Variants in SMAD9 observed in about 807,000 individuals in gnomAD.
The protein encoded by SMAD9 is MAD homolog 9.
A neutral mutation model predicts 46.1 loss-of-function variants in SMAD9; 36 were observed. That is an observed-to-expected ratio of 0.78 (90% CI 0.60 to 1.03). The LOEUF (loss-of-function observed/expected upper bound fraction) is 1.03. Among genes scored for constraint, SMAD9 ranks in the 50% least tolerant of loss-of-function variants. The pLI is 0.00. For synonymous variants in SMAD9, 245 were observed against 237.1 expected, an observed-to-expected ratio of 1.03 and a Z score of -0.31; for missense variants, 572 against 599.8, an observed-to-expected ratio of 0.95 and a Z score of 0.48.
At chr13:36,850,060 C>G (rs970893410) in intron 6 of SMAD9, 4 of 152,220 alleles carry the variant, frequency 2.6e-5, no homozygotes, top group African/African-American at 9.7e-5. Flanking sequence ...TCCATTCTCT[C>G]TTAAATCCAT....
chr13:36,878,428 T>A (rs549306805), intron 2 of SMAD9, among the ~76,000 whole-genome samples: 1 of 152,168 alleles, frequency 6.6e-6, no homozygotes, highest in Non-Finnish European at 1.5e-5. Context: ...CTAGGAGCAA[T>A]AGGCTACACC....
chr13:36,919,246 G>C (rs2138739289), intron 1 of SMAD9, among the ~76,000 whole-genome samples: 1 of 152,258 alleles, frequency 6.6e-6, no homozygotes, highest in East Asian at 1.9e-4. Context: ...GGGAAAACTT[G>C]TCAGCGATTA....
Position 36,872,764 on chromosome 13 carries a change from T to G in SMAD9, c.564A>C (p.Ala188=), listed in dbSNP as rs1593579044. 6.2e-7 allele frequency: 1 copy of G among 1,613,014 alleles called. No individual in the cohort carries two copies. The highest frequency in any genetic ancestry group is 1.1e-5 in the South Asian group (1 of 91,014). ...PDSFQQPPCS[A]LPPSPSHAFS... is the part of the protein sequence containing the mutation. The stretch of plus-strand genomic sequence containing the variant: ...ACGCGTGGCTGGGTGAGGGAGGGAG[T>G]GCAGAGCACGGAGGCTGCTGGAAAG... Residue 188 remains alanine, a synonymous_variant, in exon 3 of 7, where the codon GCA becomes GCC. Coordinates refer to ENST00000379826, the MANE Select transcript of SMAD9 (RefSeq NM_001127217.3).
chr13:36,886,777 A>G (rs531370642), intron 1 of SMAD9, among the ~76,000 whole-genome samples: 1 of 152,368 alleles, frequency 6.6e-6, no homozygotes, highest in African/African-American at 2.4e-5. Flanking sequence ...GGTGACAATG[A>G]GATCAAGAGG....
At chr13:36,894,756 T>C (rs1000594510) in intron 1 of SMAD9, among the ~76,000 whole-genome samples, 5 of 152,110 alleles carry the variant, frequency 3.3e-5, no homozygotes, top group African/African-American at 1.2e-4. Context: ...ATCATGCTGA[T>C]TGAGGTCCCA....
intron 5 of SMAD9, among the ~76,000 whole-genome samples, chr13:36,857,654 C>A (rs576163955): frequency 1.4e-3 from 211 of 152,262 alleles, no homozygotes; most frequent in African/African-American, 4.5e-3. Flanking sequence ...GCAGGTTGGG[C>A]AGGCTGGTGA....
chr13:36,894,449 C>T (rs564471973), intron 1 of SMAD9, among the ~76,000 whole-genome samples: 88 of 152,248 alleles, frequency 5.8e-4, no homozygotes, highest in Non-Finnish European at 1.0e-3. Context: ...CATTAAGCCT[C>T]TTTTTCTTTA....
In SMAD9 at chr13:36,853,508, C is replaced by G. The variant is rs148698551; in HGVS notation, c.1171G>C (p.Ala391Pro). ...TGAACTGACTGGGCCAGGAGCTGAG[C>G]GAAGAGCTGGTTGTTGAAGACCTTG... ...SLKVFNNQLF[A>P]QLLAQSVHHG... The change falls in exon 6 of 7, where the codon GCT becomes CCT. Residue 391 changes from alanine to proline, a missense_variant. Transcript: ENST00000379826. The G allele has an allele frequency of 6.2e-7, 1 of 1,614,000 alleles. No homozygotes were observed.
rs1276609140 is a variant in SMAD9 at position 36,903,274 on chromosome 13, G to A, written c.-187+16842C>T. On this transcript the variant is annotated intron_variant, in intron 1 of 6. Coordinates refer to ENST00000379826, the MANE Select transcript of SMAD9 (RefSeq NM_001127217.3). ...CCTGCATAGCTGGGATTACGGGCAC[G>A]CGCCACCACACCAGGCAAATTTTTG... 7.9e-5 allele frequency among the ~76,000 whole-genome samples: 12 copies of A among 151,818 alleles called. No homozygotes were observed. The South Asian group carries it at 1.5e-3, about 18-fold the overall frequency.
At chr13:36,905,239 C>G (rs1225757802) in intron 1 of SMAD9, among the ~76,000 whole-genome samples, 1 of 152,170 alleles carries the variant, frequency 6.6e-6, no homozygotes, top group Non-Finnish European at 1.5e-5. Context: ...AAACCCTCAT[C>G]TAGACTTTAA....
At chr13:36,875,718 C>A (rs1026509869) in intron 2 of SMAD9, among the ~76,000 whole-genome samples, 3 of 152,180 alleles carry the variant, frequency 2.0e-5, no homozygotes, top group African/African-American at 7.2e-5. Flanking sequence ...GAATTTGAAT[C>A]ATCTCTGTGA....
intron 2 of SMAD9, 150 bp downstream of exon 2, chr13:36,879,128 C>A: frequency 2.9e-6 from 2 of 697,906 alleles, no homozygotes; most frequent in Non-Finnish European, 2.4e-6. Flanking sequence ...AAATTTTGGA[C>A]GAGTCCCTCA....
At chr13:36,861,729 G>C (rs941748581) in intron 5 of SMAD9, among the ~76,000 whole-genome samples, 1 of 148,458 alleles carries the variant, frequency 6.7e-6, no homozygotes, top group Non-Finnish European at 1.5e-5. Context: ...AGGAGTTCGA[G>C]ACCAGCCTGG....
At chr13:36,873,140 T>C (rs886304557) in intron 2 of SMAD9, among the ~76,000 whole-genome samples, 1 of 152,150 alleles carries the variant, frequency 6.6e-6, no homozygotes, top group African/African-American at 2.4e-5. Context: ...AGTCTTCTCC[T>C]TGTAACCGGA....
intron 1 of SMAD9, among the ~76,000 whole-genome samples, chr13:36,902,695 ATCCGC>A (rs1215072772): frequency 6.6e-6 from 1 of 152,136 alleles, no homozygotes; most frequent in Admixed American, 6.6e-5. Context: ...TGACCTCGTG[ATCCGC>A]TCATCTCGGC....
At chr13:36,887,514 C>T (rs778095083) in intron 1 of SMAD9, among the ~76,000 whole-genome samples, 1 of 151,968 alleles carries the variant, frequency 6.6e-6, no homozygotes, top group African/African-American at 2.4e-5. Flanking sequence ...TGAGCCATTG[C>T]GCCTGGCCGA....
At chr13:36,880,923 T>G (rs2058397527) in intron 1 of SMAD9, among the ~76,000 whole-genome samples, 2 of 152,188 alleles carry the variant, frequency 1.3e-5, no homozygotes, top group African/African-American at 4.8e-5. Flanking sequence ...TGGTAAAAAT[T>G]GATAGATACA....
At chr13:36,855,881 T>A (rs997890846) in intron 5 of SMAD9, among the ~76,000 whole-genome samples, 1 of 152,184 alleles carries the variant, frequency 6.6e-6, no homozygotes, top group African/African-American at 2.4e-5. Flanking sequence ...GCCCTGGATA[T>A]CCAGTCCACG....
chr13:36,872,584 G>C (rs2058305178), intron 3 of SMAD9, 74 bp downstream of exon 3: 1 of 1,513,054 alleles, frequency 6.6e-7, no homozygotes, highest in East Asian at 2.3e-5. Context: ...GACTGTCATT[G>C]TGACTGTTCA....
Sources: gnomAD v4.1 joint callset for allele counts (sites outside exome capture counted in the v4.1 genomes callset) on GRCh38, gnomAD v4.1.1 for gene constraint, MANE v1.5 for transcripts, NCBI Gene and HGNC (gene_info 2026-07-23, HGNC 2026-07-21) for gene names.